The following TANC1 variants were observed in gnomAD, a reference collection of about 807,000 sequenced individuals.
The protein encoded by TANC1 is tetratricopeptide repeat, ankyrin repeat and coiled-coil containing 1.
In TANC1, 77 loss-of-function variants were observed where a neutral mutation model predicts 149.7. The observed-to-expected ratio is 0.51, with a 90% CI of 0.43 to 0.62. TANC1 has a LOEUF of 0.62. Ranked by LOEUF, TANC1 falls within the 20% of genes least tolerant of loss-of-function variation. The pLI is 0.00. For synonymous variants in TANC1, 854 were observed against 925.0 expected (o/e 0.92, Z 1.39); for missense variants, 1,985 against 2,321.8 (o/e 0.85, Z 2.98).
intron 4 of TANC1, 134 bp downstream of exon 4, chr2:159,097,968 ATCT>A: frequency 2.7e-6 from 2 of 751,604 alleles, no homozygotes; most frequent in Non-Finnish European, 4.1e-6. Context: ...GAAGAAATAA[ATCT>A]TTTTTTTTTT....
chr2:159,002,805 G>A (rs146375666), intron 2 of TANC1, among the ~76,000 whole-genome samples: 1 of 152,306 alleles, frequency 6.6e-6, no homozygotes, highest in African/African-American at 2.4e-5. Flanking sequence ...AGTGCTTTCT[G>A]TGTAATAGAG....
intron 2 of TANC1, among the ~76,000 whole-genome samples, chr2:159,057,722 A>C (rs925693913): frequency 6.6e-6 from 1 of 152,200 alleles, no homozygotes; most frequent in African/African-American, 2.4e-5. Flanking sequence ...GGTGGGGAGC[A>C]AGGCAGGGTC....
At chr2:159,202,451 T>C (rs1575229078) in intron 19 of TANC1, among the ~76,000 whole-genome samples, 2 of 152,312 alleles carry the variant, frequency 1.3e-5, no homozygotes, top group East Asian at 3.9e-4. Context: ...GCAGAGGGCT[T>C]AACTTGTTTA....
chr2:159,159,216 T>G (rs1319350562), intron 7 of TANC1, among the ~76,000 whole-genome samples: 2 of 151,934 alleles, frequency 1.3e-5, no homozygotes, highest in Non-Finnish European at 2.9e-5. Context: ...GAGGCCAAGG[T>G]GGGTGGATTG....
rs368884658 is a variant in TANC1 at position 159,196,605 on chromosome 2, C to G, written c.2980-3C>G. On this transcript the variant is annotated splice_polypyrimidine_tract_variant and splice_region_variant and intron_variant, in intron 17 of 26. Transcript: ENST00000263635. ...TGTAACCTTCCCCTACTCCTGCCCC[C>G]AGGTGGACCACTTGGATAAGAAGGG... The G allele has an allele frequency of 1.9e-6, 3 of 1,595,458 alleles. No homozygotes were observed. Among genetic ancestry groups the G allele is most frequent in the African/African-American group, 2.7e-5 (2 of 74,356 alleles).
chr2:159,124,349 C>CA (rs1459939584), intron 4 of TANC1, among the ~76,000 whole-genome samples: 4 of 152,084 alleles, frequency 2.6e-5, no homozygotes, highest in Non-Finnish European at 4.4e-5. Flanking sequence ...GTCTCAAAAA[C>CA]AAAAAACAAG....
At chr2:159,041,111 T>C (rs1574288306) in intron 2 of TANC1, among the ~76,000 whole-genome samples, 1 of 152,266 alleles carries the variant, frequency 6.6e-6, no homozygotes, top group South Asian at 2.1e-4. Flanking sequence ...ACAGCAAATA[T>C]TGCAGAACAG....
intron 8 of TANC1, among the ~76,000 whole-genome samples, chr2:159,168,630 T>C (rs551035298): frequency 1.3e-5 from 2 of 152,150 alleles, no homozygotes; most frequent in Non-Finnish European, 2.9e-5. Flanking sequence ...AATACTTAGG[T>C]GATATGAGTC....
intron 2 of TANC1, among the ~76,000 whole-genome samples, chr2:159,064,217 C>G (rs1336133404): frequency 6.6e-6 from 1 of 152,142 alleles, no homozygotes; most frequent in Admixed American, 6.5e-5. Flanking sequence ...TTTGTGTTTT[C>G]CATCGGTTCC....
At chr2:159,165,938 C>T (rs78335112) in intron 8 of TANC1, among the ~76,000 whole-genome samples, 346 of 152,312 alleles carry the variant, frequency 2.3e-3, no homozygotes, top group African/African-American at 8.0e-3. Flanking sequence ...GTCTGTTAAC[C>T]ATGTAGTACA....
intron 19 of TANC1, among the ~76,000 whole-genome samples, chr2:159,207,250 T>C (rs2058668562): frequency 6.6e-6 from 1 of 152,260 alleles, no homozygotes; most frequent in African/African-American, 2.4e-5. Context: ...ACAATCCTTG[T>C]AAACCATTTT....
At chr2:159,107,684 A>T (rs432451) in intron 4 of TANC1, among the ~76,000 whole-genome samples, 21,165 of 152,146 alleles carry the variant, frequency 0.14, 2,397 homozygotes, top group East Asian at 0.59. Flanking sequence ...CCCATTGCTC[A>T]TCCTCTGGAA....
In TANC1 at chr2:159,112,160, A is replaced by G. The variant is rs144924308; in HGVS notation, c.259+14326A>G. 2.1e-3 allele frequency among the ~76,000 whole-genome samples: 326 copies of G among 152,342 alleles called. 1 individual carries two copies. Among genetic ancestry groups the G allele is most frequent in the African/African-American group, 7.3e-3 (305 of 41,582 alleles). The stretch of plus-strand genomic sequence containing the variant: ...TGCACTCAGAGTTGAATGAATGTGT[A>G]TGCACTCATATGTACATTAAAATTT... On this transcript the variant is annotated intron_variant, in intron 4 of 26. Transcript: ENST00000263635.
chr2:159,041,080 A>G, intron 2 of TANC1, among the ~76,000 whole-genome samples: 1 of 152,192 alleles, frequency 6.6e-6, no homozygotes, highest in Non-Finnish European at 1.5e-5. Flanking sequence ...TTGCCTGGGT[A>G]TCACCAGCAG....
chr2:159,167,083 A>G (rs1179458709), intron 8 of TANC1, among the ~76,000 whole-genome samples: 3 of 152,184 alleles, frequency 2.0e-5, no homozygotes, highest in African/African-American at 7.2e-5. Flanking sequence ...TAATCCTTTC[A>G]GTTGTTATAA....
chr2:159,062,596 C>T (rs2042310853), intron 2 of TANC1, among the ~76,000 whole-genome samples: 2 of 152,194 alleles, frequency 1.3e-5, no homozygotes, highest in African/African-American at 4.8e-5. Context: ...TTTACCACTG[C>T]CTTCTCTTTG....
intron 5 of TANC1, among the ~76,000 whole-genome samples, chr2:159,144,986 G>A (rs771535287): frequency 5.9e-5 from 9 of 152,316 alleles, no homozygotes; most frequent in East Asian, 1.9e-4. Context: ...GACGAATGTC[G>A]TCAGCAATAC....
chr2:159,037,430 C>T lies in TANC1; in HGVS notation c.-15-28466C>T, dbSNP rs531171520. On this transcript the variant is annotated intron_variant, in intron 2 of 26. Transcript: ENST00000263635. ...TTGTTTTAGTCATGAAGTCTTTGCC[C>T]GTGCCTATGTCCGGAATGGTATTGC... 7.2e-5 allele frequency among the ~76,000 whole-genome samples: 11 copies of T among 152,224 alleles called. No homozygotes were observed. The East Asian group carries it at 9.7e-4, about 13-fold the overall frequency.
At chr2:159,049,412 G>A (rs2041308509) in intron 2 of TANC1, among the ~76,000 whole-genome samples, 1 of 152,194 alleles carries the variant, frequency 6.6e-6, no homozygotes, top group African/African-American at 2.4e-5. Flanking sequence ...TGTAGAAAGG[G>A]AGGGAGGAGA....
Sources: allele counts gnomAD v4.1 joint callset (sites outside exome capture counted in the v4.1 genomes callset), GRCh38; gene constraint gnomAD v4.1.1; transcripts MANE v1.5; gene names NCBI Gene and HGNC (gene_info 2026-07-23, HGNC 2026-07-21).